Variants in CNTN5 observed in about 807,000 individuals in gnomAD.
The protein encoded by CNTN5 is contactin-5.
CNTN5 carries 77 observed loss-of-function variants against 129.1 expected under a neutral mutation model. That is an observed-to-expected ratio of 0.60 (90% CI 0.50 to 0.72). The LOEUF (loss-of-function observed/expected upper bound fraction) is 0.72, where lower values mean the gene tolerates loss of function less well. CNTN5 is among the 30% of genes least tolerant of loss of function. CNTN5 has a pLI of 0.00. For synonymous variants in CNTN5, 509 were observed against 465.6 expected, an observed-to-expected ratio of 1.09 and a Z score of -1.20; for missense variants, 1,478 against 1,328.8, an observed-to-expected ratio of 1.11 and a Z score of -1.75.
intron 8 of CNTN5, among the ~76,000 whole-genome samples, chr11:99,996,713 T>A (rs781718606): frequency 3.3e-5 from 5 of 152,162 alleles, no homozygotes; most frequent in Non-Finnish European, 7.4e-5. Context: ...ACTCACAGTT[T>A]CACATGGCTG....
At chr11:99,767,421 C>T (rs1944792049) in intron 3 of CNTN5, among the ~76,000 whole-genome samples, 1 of 151,982 alleles carries the variant, frequency 6.6e-6, no homozygotes, top group Non-Finnish European at 1.5e-5. Flanking sequence ...GGTGTCAACA[C>T]AGCATATATT....
intron 18 of CNTN5, among the ~76,000 whole-genome samples, chr11:100,289,482 C>G (rs1950897145): frequency 6.6e-6 from 1 of 151,580 alleles, no homozygotes; most frequent in South Asian, 2.1e-4. Flanking sequence ...TGTAATCCAG[C>G]ATATAAACAG....
chr11:99,896,608 A>G (rs888592084), intron 6 of CNTN5, among the ~76,000 whole-genome samples: 1 of 152,286 alleles, frequency 6.6e-6, no homozygotes, highest in African/African-American at 2.4e-5. Context: ...TATTCCTCTA[A>G]GAGCCCAGTT....
chr11:99,116,753 T>C (rs776978418), intron 1 of CNTN5, among the ~76,000 whole-genome samples: 12 of 152,162 alleles, frequency 7.9e-5, no homozygotes, highest in Admixed American at 4.6e-4. Context: ...ATGCCATTTA[T>C]TGAAAAGGAA....
chr11:100,152,666 AT>A (rs1174355820), intron 13 of CNTN5, among the ~76,000 whole-genome samples: 1 of 151,984 alleles, frequency 6.6e-6, no homozygotes, highest in Non-Finnish European at 1.5e-5. Context: ...AGGTATCTGA[AT>A]TTTTTTCAGT....
At chr11:99,752,995 A>G (rs1261796770) in intron 3 of CNTN5, among the ~76,000 whole-genome samples, 1 of 152,092 alleles carries the variant, frequency 6.6e-6, no homozygotes, top group Non-Finnish European at 1.5e-5. Flanking sequence ...ACTATAACCT[A>G]TAGGAAGGCA....
At chr11:99,973,915 A>G (rs1007359323) in intron 8 of CNTN5, among the ~76,000 whole-genome samples, 4 of 152,334 alleles carry the variant, frequency 2.6e-5, no homozygotes, top group Non-Finnish European at 1.5e-5. Context: ...ACTGAGCCTC[A>G]TATATTCAAA....
intron 1 of CNTN5, among the ~76,000 whole-genome samples, chr11:99,227,712 T>A (rs983034432): frequency 5.9e-5 from 9 of 152,184 alleles, no homozygotes; most frequent in Non-Finnish European, 1.0e-4. Context: ...ATTATTTGAA[T>A]TTTAAAAAGG....
intron 2 of CNTN5, among the ~76,000 whole-genome samples, chr11:99,409,857 T>C (rs1565559312): frequency 9.6e-6 from 1 of 104,552 alleles, no homozygotes; most frequent in Admixed American, 1.0e-4. Flanking sequence ...AGAAAAAGGA[T>C]GTGATATTGG....
intron 10 of CNTN5, among the ~76,000 whole-genome samples, chr11:100,066,738 T>C (rs560099514): frequency 1.3e-4 from 20 of 151,894 alleles, no homozygotes; most frequent in African/African-American, 4.1e-4. Context: ...GATGAAAGAC[T>C]TTCCATAATG....
chr11:99,468,484 T>A (rs913572126), intron 2 of CNTN5, among the ~76,000 whole-genome samples: 2 of 152,166 alleles, frequency 1.3e-5, no homozygotes, highest in African/African-American at 4.8e-5. Context: ...ACTTCAACAA[T>A]GTGAACTCTA....
At chr11:100,088,298 T>C (rs898181293) in intron 13 of CNTN5, among the ~76,000 whole-genome samples, 2 of 151,736 alleles carry the variant, frequency 1.3e-5, no homozygotes, top group Admixed American at 6.6e-5. Flanking sequence ...GAGAAACATC[T>C]CTAACAATCT....
chr11:100,211,201 G>T (rs1949022830), intron 15 of CNTN5, among the ~76,000 whole-genome samples: 1 of 151,992 alleles, frequency 6.6e-6, no homozygotes, highest in Non-Finnish European at 1.5e-5. Context: ...ACTTCTGGTG[G>T]GTGATGCCCA....
intron 3 of CNTN5, among the ~76,000 whole-genome samples, chr11:99,655,984 G>GTA (rs1184603407): frequency 7.2e-5 from 11 of 151,858 alleles, no homozygotes; most frequent in Admixed American, 4.6e-4. Context: ...ATGCATGTGT[G>GTA]TATATATATG....
chr11:99,468,502 C>T (rs1323907944), intron 2 of CNTN5, among the ~76,000 whole-genome samples: 1 of 152,160 alleles, frequency 6.6e-6, no homozygotes, highest in Admixed American at 6.5e-5. Flanking sequence ...CTAGCTGCCG[C>T]CAACAGCCTT....
intron 1 of CNTN5, among the ~76,000 whole-genome samples, chr11:99,138,661 CTA>C (rs1443260422): frequency 1.3e-5 from 2 of 152,082 alleles, no homozygotes; most frequent in Non-Finnish European, 2.9e-5. Flanking sequence ...TTCAAAGAAA[CTA>C]TATCTCTTTT....
At chr11:99,225,908 G>T (rs867678589) in intron 1 of CNTN5, among the ~76,000 whole-genome samples, 8 of 152,074 alleles carry the variant, frequency 5.3e-5, no homozygotes, top group Admixed American at 1.3e-4. Flanking sequence ...AACATGTAAT[G>T]TCATAAATTC....
chr11:99,512,108 C>T (rs1365130224), intron 2 of CNTN5, among the ~76,000 whole-genome samples: 1 of 152,128 alleles, frequency 6.6e-6, no homozygotes, highest in African/African-American at 2.4e-5. Context: ...CACATTCACT[C>T]CCATTCACTC....
intron 2 of CNTN5, among the ~76,000 whole-genome samples, chr11:99,353,403 T>C (rs887644150): frequency 1.3e-5 from 2 of 152,094 alleles, no homozygotes; most frequent in African/African-American, 4.8e-5. Flanking sequence ...TCCAGTTGAG[T>C]GTATGCTTGT....
Sources: allele counts gnomAD v4.1 joint callset (sites outside exome capture counted in the v4.1 genomes callset), GRCh38; gene constraint gnomAD v4.1.1; transcripts MANE v1.5; gene names NCBI Gene and HGNC (gene_info 2026-07-23, HGNC 2026-07-21).